The following PAK3 variants were observed in gnomAD, a reference collection of about 807,000 sequenced individuals.
PAK3 encodes the protein p21 (RAC1) activated kinase 3, also known as serine/threonine-protein kinase PAK 3.
PAK3 carries 4 observed loss-of-function variants against 41.0 expected under a neutral mutation model. The ratio of observed to expected loss-of-function variants is 0.10; its 90% CI spans 0.05 to 0.22. PAK3 has a LOEUF of 0.22. PAK3 is among the 10% of genes least tolerant of loss of function. The probability of loss-of-function intolerance (pLI) is 1.00; values close to 1 mark genes in which losing one functional copy is unlikely to be tolerated. For synonymous variants in PAK3, 146 were observed against 139.6 expected (o/e 1.05, Z -0.32); for missense variants, 205 against 409.9 (o/e 0.50, Z 4.32).
At chrX:111,142,960 TA>T (rs1172386999) in intron 6 of PAK3, among the ~76,000 whole-genome samples, 12 of 109,621 alleles carry the variant, frequency 1.1e-4, no homozygotes, top group Admixed American at 3.9e-4. Context: ...TTTTCTTTTT[TA>T]AAAAAAAAGA....
Position 111,226,514 on chromosome X carries a change from G to A in PAK3, c.*6067G>A, listed in dbSNP as rs754764935. The A allele has an allele frequency of 8.9e-6, 1 of 112,374 alleles. No individual in the cohort carries two copies. Among genetic ancestry groups the A allele is most frequent in the South Asian group, 3.7e-4 (1 of 2,691 alleles). The allele number at this position is 112,374 out of a possible 1,213,427, so 9.3% of individuals were successfully genotyped here. ...GATAGCAGAGCCCATGCATTTTAAT[G>A]GCTGAGACTGCTAAGAGTGAACCTA... is the stretch of plus-strand genomic sequence containing the variant. On this transcript the variant is annotated 3_prime_UTR_variant, in exon 18 of 18. Transcript: ENST00000372007.
chrX:110,945,169 C>T lies in PAK3; in HGVS notation c.-28+541C>T, dbSNP rs181373301. The stretch of plus-strand genomic sequence containing the variant: ...CACACAGGAATGCAGTGGTGTGTGT[C>T]GTGGAGATGGTGTGGGTTTTGTGTG... On this transcript the variant is annotated intron_variant, in intron 1 of 14. Transcript: ENST00000425146. 4.1e-3 allele frequency among the ~76,000 whole-genome samples: 462 copies of T among 111,454 alleles called. 4 individuals carry two copies. The highest frequency in any genetic ancestry group is 0.015 in the African/African-American group (447 of 30,633).
intron 1 of PAK3, among the ~76,000 whole-genome samples, chrX:110,951,888 T>C (rs1230469550): frequency 8.9e-6 from 1 of 112,331 alleles, no homozygotes; most frequent in African/African-American, 3.2e-5. Context: ...TATCTCATCT[T>C]AAGACACTTG....
intron 10 of PAK3, among the ~76,000 whole-genome samples, chrX:111,169,665 G>A (rs2094310493): frequency 1.8e-5 from 2 of 111,271 alleles, no homozygotes; most frequent in African/African-American, 3.3e-5. Context: ...TTCAGGCAGC[G>A]AATGGCATGT....
chrX:111,069,550 G>T (rs2092726478), intron 1 of PAK3, among the ~76,000 whole-genome samples: 1 of 110,318 alleles, frequency 9.1e-6, no homozygotes, highest in African/African-American at 3.3e-5. Flanking sequence ...TATTTGTCTT[G>T]CTTAGCAGTC....
In PAK3 at chrX:110,974,257, G is replaced by A. The variant is rs547852603; in HGVS notation, c.-28+29629G>A. Among the ~76,000 whole-genome samples, 24 of 110,923 alleles carry A rather than the reference G, an allele frequency of 2.2e-4. No homozygotes were observed. The South Asian group carries it at 2.7e-3, about 12-fold the overall frequency. ...ACTCTCCACCCCAAATCAAATAGAT[G>A]CAATAAAAAATGATAAAAGGGATAT... On this transcript the variant is annotated intron_variant, in intron 1 of 14. Coordinates refer to the PAK3 transcript ENST00000425146.
intron 1 of PAK3, among the ~76,000 whole-genome samples, chrX:110,972,510 G>A (rs748175577): frequency 9.0e-6 from 1 of 111,600 alleles, no homozygotes; most frequent in Non-Finnish European, 1.9e-5. Flanking sequence ...GAAAGGAATA[G>A]CATCAACATC....
At chrX:111,052,877 G>A (rs1159946014) in intron 1 of PAK3, among the ~76,000 whole-genome samples, 1 of 111,906 alleles carries the variant, frequency 8.9e-6, no homozygotes. Context: ...AACCATGTCA[G>A]AAAAGCATGA....
intron 1 of PAK3, among the ~76,000 whole-genome samples, chrX:110,990,776 A>G (rs1279816009): frequency 9.0e-6 from 1 of 111,143 alleles, no homozygotes; most frequent in Non-Finnish European, 1.9e-5. Context: ...ATTATTGCTT[A>G]TCCAGCTTTT....
intron 11 of PAK3, among the ~76,000 whole-genome samples, chrX:111,181,254 A>G (rs1437080873): frequency 1.9e-5 from 2 of 107,951 alleles, no homozygotes; most frequent in African/African-American, 3.7e-5. Context: ...ATATCTCTCC[A>G]TAGGTTAGAT....
intron 1 of PAK3, among the ~76,000 whole-genome samples, chrX:111,031,041 C>A (rs191278452): frequency 8.9e-6 from 1 of 111,866 alleles, no homozygotes; most frequent in South Asian, 3.7e-4. Flanking sequence ...GTGGTCAAAG[C>A]CAGTTGTTTG....
chrX:111,124,573 T>C (rs2093621986), intron 5 of PAK3, among the ~76,000 whole-genome samples: 2 of 112,345 alleles, frequency 1.8e-5, no homozygotes, highest in South Asian at 7.5e-4. Flanking sequence ...AAATCTTTAG[T>C]GCTATCGAGA....
chrX:111,064,839 G>A (rs1338988712), intron 1 of PAK3, among the ~76,000 whole-genome samples: 2 of 112,137 alleles, frequency 1.8e-5, no homozygotes, highest in Non-Finnish European at 3.8e-5. Context: ...TTGAATGGTA[G>A]TTCTGTTTTA....
chrX:110,992,124 A>C (rs2091661070), intron 1 of PAK3, among the ~76,000 whole-genome samples: 1 of 110,958 alleles, frequency 9.0e-6, no homozygotes, highest in African/African-American at 3.3e-5. Context: ...GGCCTCACCA[A>C]GAAGGTAATC....
At chrX:110,955,685 T>G (rs751176118) in intron 1 of PAK3, among the ~76,000 whole-genome samples, 1 of 111,913 alleles carries the variant, frequency 8.9e-6, no homozygotes, top group East Asian at 2.8e-4. Context: ...TACGGTCTTG[T>G]AAGGCCTCAA....
chrX:111,165,522 C>T (rs1014867981), intron 10 of PAK3, among the ~76,000 whole-genome samples: 1 of 112,328 alleles, frequency 8.9e-6, no homozygotes, highest in Non-Finnish European at 1.9e-5. Flanking sequence ...TCAAAGCTTA[C>T]ACTTTTTCCA....
At position 111,139,470 on chromosome X, in the gene PAK3, T is replaced by G. The variant is rs777993684; in HGVS notation, c.176-2626T>G. ...CATATTGGAGAGGAGGATCATAATT[T>G]TTTTTCATTGCTTAGAGCCGCCTAA... On this transcript the variant is annotated intron_variant, in intron 5 of 17. Coordinates refer to ENST00000372007, the MANE Select transcript of PAK3 (RefSeq NM_002578.5). 2.7e-5 allele frequency among the ~76,000 whole-genome samples: 3 copies of G among 112,308 alleles called. No homozygotes were observed. In the South Asian group the frequency reaches 1.1e-3, roughly 42 times the overall value.
chrX:111,005,164 A>T (rs1039125968), intron 1 of PAK3, among the ~76,000 whole-genome samples: 2 of 111,690 alleles, frequency 1.8e-5, no homozygotes, highest in Admixed American at 9.5e-5. Context: ...TCTGGACTAA[A>T]TTCCCTCTAA....
intron 1 of PAK3, among the ~76,000 whole-genome samples, chrX:111,029,281 A>G (rs1458093467): frequency 8.9e-6 from 1 of 112,271 alleles, no homozygotes; most frequent in African/African-American, 3.2e-5. Context: ...AAATGCTACA[A>G]TAGAACAGAC....
Sources: allele counts gnomAD v4.1 joint callset (sites outside exome capture counted in the v4.1 genomes callset), GRCh38; gene constraint gnomAD v4.1.1; transcripts MANE v1.5; gene names NCBI Gene and HGNC (gene_info 2026-07-23, HGNC 2026-07-21).